Variants in MTCL1 observed in about 807,000 individuals in gnomAD.
MTCL1 encodes microtubule cross-linking factor 1.
A neutral mutation model predicts 141.4 loss-of-function variants in MTCL1; 79 were observed. That is an observed-to-expected ratio of 0.56 (90% CI 0.47 to 0.67). The LOEUF (loss-of-function observed/expected upper bound fraction) is 0.67. Ranked by LOEUF, MTCL1 falls within the 30% of genes least tolerant of loss-of-function variation. MTCL1 has a pLI of 0.00. For synonymous variants in MTCL1, 914 were observed against 875.8 expected (o/e 1.04, Z -0.77); for missense variants, 2,177 against 2,113.9 (o/e 1.03, Z -0.59).
chr18:8,737,103 G>A (rs959447621), intron 4 of MTCL1, among the ~76,000 whole-genome samples: 1 of 152,184 alleles, frequency 6.6e-6, no homozygotes, highest in East Asian at 1.9e-4. Context: ...CCTATGAGCT[G>A]CACTGGATAT....
intron 4 of MTCL1, among the ~76,000 whole-genome samples, chr18:8,744,468 C>T (rs1279886838): frequency 6.6e-6 from 1 of 152,200 alleles, no homozygotes; most frequent in Non-Finnish European, 1.5e-5. Flanking sequence ...TTGTGTTACT[C>T]AGTTCAAACA....
At chr18:8,788,585 T>C (rs2143691656) in intron 7 of MTCL1, among the ~76,000 whole-genome samples, 1 of 152,332 alleles carries the variant, frequency 6.6e-6, no homozygotes, top group South Asian at 2.1e-4. Context: ...CTCATAGTTG[T>C]ACCAGCAGCA....
At chr18:8,767,175 T>C (rs1175537217) in intron 4 of MTCL1, among the ~76,000 whole-genome samples, 1 of 152,208 alleles carries the variant, frequency 6.6e-6, no homozygotes, top group African/African-American at 2.4e-5. Flanking sequence ...TTGAATCACT[T>C]AAAGTATTGT....
chr18:8,709,190 G>GT (rs916476248), intron 1 of MTCL1, among the ~76,000 whole-genome samples: 2 of 132,144 alleles, frequency 1.5e-5, no homozygotes, highest in African/African-American at 4.9e-5. Flanking sequence ...TATTTTTTCC[G>GT]TTTTTTGTGG....
At chr18:8,752,963 G>A (rs923998017) in intron 4 of MTCL1, among the ~76,000 whole-genome samples, 3 of 152,152 alleles carry the variant, frequency 2.0e-5, no homozygotes, top group Non-Finnish European at 2.9e-5. Flanking sequence ...TGGAGACGTC[G>A]CCGTATCGAA....
At chr18:8,793,238 T>C (rs556991) in intron 8 of MTCL1, 118 bp downstream of exon 7, 1,320,020 of 1,422,716 alleles carry the variant, frequency 0.93, 612,878 homozygotes, top group African/African-American at 0.98. Context: ...GCTAGACTCC[T>C]GGGCACGTAT....
intron 4 of MTCL1, among the ~76,000 whole-genome samples, chr18:8,725,828 C>T (rs1265395736): frequency 5.0e-5 from 6 of 119,522 alleles, no homozygotes; most frequent in South Asian, 3.0e-4. Flanking sequence ...CTCTCTCTGT[C>T]GCCCAGGCTG....
chr18:8,825,886 C>T (rs2077006911), exon 15 of MTCL1: 1 of 1,613,778 alleles, frequency 6.2e-7, no homozygotes. Context: ...GTGCAGGACC[C>T]CTTCCAGAAG....
chr18:8,714,569 G>A (rs1053407877), upstream of MTCL1, among the ~76,000 whole-genome samples: 6 of 152,108 alleles, frequency 3.9e-5, no homozygotes, highest in Non-Finnish European at 8.8e-5. Context: ...CATATTACAT[G>A]GAGGCACGTA....
chr18:8,788,751 T>G (rs960328776), intron 7 of MTCL1, among the ~76,000 whole-genome samples: 10 of 152,184 alleles, frequency 6.6e-5, no homozygotes, highest in African/African-American at 2.4e-5. Flanking sequence ...CCGGCATTCT[T>G]ATAAACAGCC....
At chr18:8,737,114 T>C (rs1402576446) in intron 4 of MTCL1, among the ~76,000 whole-genome samples, 1 of 152,214 alleles carries the variant, frequency 6.6e-6, no homozygotes, top group Non-Finnish European at 1.5e-5. Context: ...CACTGGATAT[T>C]GCCTGTAACT....
At chr18:8,785,810 C>G in intron 6 of MTCL1, 126 bp from the exon 6 acceptor site, 2 of 1,154,990 alleles carry the variant, frequency 1.7e-6, no homozygotes, top group East Asian at 5.1e-5. Context: ...TCTCAGTCGT[C>G]TCCCTTGTCC....
chr18:8,817,099 C>A (rs748475540), intron 12 of MTCL1, among the ~76,000 whole-genome samples: 11 of 152,106 alleles, frequency 7.2e-5, no homozygotes, highest in South Asian at 2.1e-4. Context: ...TTTAGTCATT[C>A]TTTTCCCCCT....
At position 8,781,091 on chromosome 18, in the gene MTCL1, T is replaced by A. The variant is rs140110482; in HGVS notation, c.418-2439T>A. Among the ~76,000 whole-genome samples the A allele has an allele frequency of 2.2e-3, 321 of 148,628 alleles. 9 individuals carry two copies. The highest frequency in any genetic ancestry group is 7.7e-3 in the African/African-American group (309 of 40,306). ...CAGAGGCAGGGGGCAGGAGAATTGC[T>A]TGAACCTAGGAGGCAGCGGTTACAG... On this transcript the variant is annotated intron_variant, in intron 5 of 16. Transcript: ENST00000359865.
intron 4 of MTCL1, among the ~76,000 whole-genome samples, chr18:8,732,953 G>A (rs1244850557): frequency 6.6e-6 from 1 of 152,264 alleles, no homozygotes; most frequent in Non-Finnish European, 1.5e-5. Flanking sequence ...GCATTTGAAC[G>A]TAGACACTGT....
Position 8,829,637 on chromosome 18 carries a change from T to TC in MTCL1, c.*18+674dup, listed in dbSNP as rs1235412483. On this transcript the variant is annotated intron_variant, in intron 16 of 16. Transcript: ENST00000359865. Reference sequence around the variant, plus strand: ...ATATACTTTTTGATCAAGGATATAGTCATCCACCCACCTCATCCACTGGCC... The same window carrying TC: ...ATATACTTTTTGATCAAGGATATAGTCCATCCACCCACCTCATCCACTGGCC... 5.1e-6 allele frequency: 5 copies of TC among 985,230 alleles called. No homozygotes were observed. In the African/African-American group the frequency reaches 7.0e-5, roughly 14 times the overall value. 61.0% of individuals were successfully genotyped at this position (985,230 alleles called of 1,614,324 possible). A position where few individuals can be genotyped will look rare whatever the true frequency, so the allele number is the denominator to read the frequency against.
At position 8,828,856 on chromosome 18, in the gene MTCL1, A is replaced by G; in HGVS notation, c.4723-52A>G. 1.2e-6 allele frequency: 2 copies of G among 1,613,518 alleles called. No individual in the cohort carries two copies. The highest frequency in any genetic ancestry group is 1.6e-4 in the Middle Eastern group (1 of 6,062). On this transcript the variant is annotated intron_variant, in intron 15 of 16. Coordinates refer to ENST00000359865, the Ensembl canonical transcript of MTCL1. This position sits in a 1 kb window ranked among gnomAD's most constrained non-coding sequence, Gnocchi z 5.2. ...CCTTTATTGTTCTCCTGTTTAAAAA[A>G]CACTTTCCAACCTTCTTGCTTTTCT...
intron 12 of MTCL1, among the ~76,000 whole-genome samples, chr18:8,817,534 T>C (rs1231179546): frequency 6.6e-6 from 1 of 152,228 alleles, no homozygotes; most frequent in African/African-American, 2.4e-5. Flanking sequence ...CTTTTGTCTT[T>C]ACTGTCTCAT....
At chr18:8,733,196 G>C (rs980453277) in intron 4 of MTCL1, among the ~76,000 whole-genome samples, 6 of 152,200 alleles carry the variant, frequency 3.9e-5, no homozygotes, top group African/African-American at 1.4e-4. Context: ...ACCACCTCGG[G>C]GGCTGAGGTG....
Sources: allele counts gnomAD v4.1 joint callset (sites outside exome capture counted in the v4.1 genomes callset), GRCh38; gene constraint gnomAD v4.1.1; non-coding constraint Gnocchi (gnomAD v3.1); transcripts MANE v1.5; gene names NCBI Gene and HGNC (gene_info 2026-07-23, HGNC 2026-07-21).